Variants in PID1 observed in about 807,000 individuals in gnomAD.
The protein encoded by PID1 is phosphotyrosine interaction domain containing 1, also known as PTB-containing, cubilin and LRP1-interacting protein.
PID1 carries 10 observed loss-of-function variants against 19.1 expected under a neutral mutation model. That is an observed-to-expected ratio of 0.52 (90% confidence interval 0.32 to 0.89). The LOEUF (loss-of-function observed/expected upper bound fraction) is 0.89, where lower values mean the gene tolerates loss of function less well. Among genes scored for constraint, PID1 ranks in the 40% least tolerant of loss-of-function variants. The probability of loss-of-function intolerance (pLI) is 0.03; values close to 1 mark genes in which losing one functional copy is unlikely to be tolerated. For synonymous variants in PID1, 130 were observed against 116.0 expected, an observed-to-expected ratio of 1.12 and a Z score of -0.78; for missense variants, 248 against 285.3, an observed-to-expected ratio of 0.87 and a Z score of 0.94.
chr2:229,039,516 C>T (rs192280853), intron 2 of PID1, among the ~76,000 whole-genome samples: 2 of 152,202 alleles, frequency 1.3e-5, no homozygotes, highest in African/African-American at 4.8e-5. Flanking sequence ...TCCCTTGCAA[C>T]TATTTAAACT....
chr2:229,065,523 T>C (rs1559217103), intron 2 of PID1, among the ~76,000 whole-genome samples: 1 of 151,970 alleles, frequency 6.6e-6, no homozygotes, highest in Non-Finnish European at 1.5e-5. Flanking sequence ...CACTCTCACA[T>C]CAAAGTAAAG....
intron 1 of PID1, among the ~76,000 whole-genome samples, chr2:229,226,754 C>A (rs1302003351): frequency 1.3e-5 from 2 of 152,122 alleles, no homozygotes; most frequent in African/African-American, 4.8e-5. Context: ...AAAATTAAAT[C>A]CAAAATAAAC....
chr2:229,155,833 A>G lies in PID1; in HGVS notation c.162T>C (p.Thr54=), dbSNP rs779264480. Residue 54 remains threonine (T), a synonymous_variant, in exon 2 of 3, where the codon ACT becomes ACC. Coordinates refer to ENST00000392055, the MANE Select transcript of PID1 (RefSeq NM_001100818.2). ...CTTTPLMKTR[T]HSGCKVTYLG... ...TGCCCCATACCTTGCAGCCACTGTG[A>G]GTCCTTGTCTTCATCAGCGGTGTGG... is the stretch of plus-strand genomic sequence containing the variant. The G allele has an allele frequency of 3.1e-6, 5 of 1,612,624 alleles. No individual in the cohort carries two copies. The East Asian group carries it at 8.9e-5, about 29-fold the overall frequency.
intron 1 of PID1, among the ~76,000 whole-genome samples, chr2:229,196,241 T>C (rs1691375049): frequency 6.6e-6 from 1 of 152,088 alleles, no homozygotes; most frequent in Non-Finnish European, 1.5e-5. Flanking sequence ...TTCTATTTTA[T>C]ACTCAGAGGC....
At chr2:229,232,096 A>C in intron 1 of PID1, 1 of 1,494,712 alleles carries the variant, frequency 6.7e-7, no homozygotes, top group South Asian at 1.4e-5. Flanking sequence ...TCCATTCAAG[A>C]GGGGAGGAGC....
chr2:229,088,180 G>C (rs1447583437), intron 2 of PID1, among the ~76,000 whole-genome samples: 1 of 152,172 alleles, frequency 6.6e-6, no homozygotes, highest in Non-Finnish European at 1.5e-5. Flanking sequence ...AAAGATTCTT[G>C]ATGAAATAGG....
At chr2:229,084,604 C>A (rs1694729321) in intron 2 of PID1, among the ~76,000 whole-genome samples, 2 of 152,146 alleles carry the variant, frequency 1.3e-5, no homozygotes, top group African/African-American at 2.4e-5. Context: ...TGATTAATAA[C>A]AAATGTGATG....
rs572954419 is a variant in PID1, at chr2:229,048,173, AT to A, written c.178-22066del. Among the ~76,000 whole-genome samples, 14 of 152,166 alleles carry A rather than the reference AT, an allele frequency of 9.2e-5. No individual in the cohort carries two copies. The East Asian group carries it at 2.7e-3, about 30-fold the overall frequency. ...CAACAGCATGGTATAGGATCTAGTG[AT>A]TTTCCCCTCATTCTAAAATCCCTCT... On this transcript the variant is annotated intron_variant, in intron 2 of 2. Transcript: ENST00000392055.
intron 2 of PID1, among the ~76,000 whole-genome samples, chr2:229,101,968 AATC>A (rs1234068401): frequency 6.6e-6 from 1 of 152,192 alleles, no homozygotes; most frequent in African/African-American, 2.4e-5. Context: ...GGTCTAATGT[AATC>A]ATCAAGGCCC....
intron 1 of PID1, among the ~76,000 whole-genome samples, chr2:229,226,261 GC>G (rs1559293380): frequency 6.6e-6 from 1 of 152,128 alleles, no homozygotes. Context: ...TAGATCTGTG[GC>G]CCAGTCCAAA....
intron 1 of PID1, among the ~76,000 whole-genome samples, chr2:229,195,244 C>T (rs974838251): frequency 2.6e-5 from 4 of 151,784 alleles, no homozygotes; most frequent in Non-Finnish European, 5.9e-5. Context: ...CTCTACCCTT[C>T]TGCCCTGTCC....
Position 229,176,700 on chromosome 2 carries a change from C to T in PID1, c.31-20736G>A, listed in dbSNP as rs115969305. Reference sequence around the variant, plus strand: ...TATGCTCCCAAATATTTCATTTGTACGACAGACATCATCATATGCTTTCTC... The same window carrying T: ...TATGCTCCCAAATATTTCATTTGTATGACAGACATCATCATATGCTTTCTC... On this transcript the variant is annotated intron_variant, in intron 1 of 2. Transcript: ENST00000392055. Among the ~76,000 whole-genome samples, 304 of 152,232 alleles carry T rather than the reference C, an allele frequency of 2.0e-3. 1 individual carries two copies. The highest frequency in any genetic ancestry group is 4.2e-3 in the South Asian group (20 of 4,816).
intron 1 of PID1, among the ~76,000 whole-genome samples, chr2:229,201,824 G>T (rs2106241187): frequency 6.6e-6 from 1 of 152,048 alleles, no homozygotes; most frequent in South Asian, 2.1e-4. Context: ...TTCCCAATAG[G>T]TGTCGGGTAG....
At chr2:229,232,111 A>T (rs1391488659) in intron 1 of PID1, 4 of 1,477,092 alleles carry the variant, frequency 2.7e-6, no homozygotes, top group Non-Finnish European at 3.6e-6. Flanking sequence ...AGGAGCCCTG[A>T]TGACTTAACC....
At chr2:229,145,155 G>GTATATATATATATATA (rs5839309) in intron 2 of PID1, among the ~76,000 whole-genome samples, 29 of 119,930 alleles carry the variant, frequency 2.4e-4, no homozygotes, top group East Asian at 9.7e-4. Flanking sequence ...ATATGTATGT[G>GTATATATATATATATA]TATATATATA....
chr2:229,166,004 A>T (rs1231997278), intron 1 of PID1, among the ~76,000 whole-genome samples: 2 of 152,228 alleles, frequency 1.3e-5, no homozygotes, highest in East Asian at 3.9e-4. Flanking sequence ...ATGTCCTTAT[A>T]AAAGACTTGT....
chr2:229,091,082 A>G (rs1694866422), intron 2 of PID1, among the ~76,000 whole-genome samples: 1 of 152,210 alleles, frequency 6.6e-6, no homozygotes, highest in Admixed American at 6.5e-5. Context: ...TTTATCTATA[A>G]GTAATTACTT....
chr2:229,247,529 C>G (rs1690034392), intron 1 of PID1, among the ~76,000 whole-genome samples: 1 of 152,194 alleles, frequency 6.6e-6, no homozygotes, highest in African/African-American at 2.4e-5. Context: ...ATAACTAGTG[C>G]AAGCGAACTT....
chr2:229,155,529 C>T (rs368325556), intron 2 of PID1, among the ~76,000 whole-genome samples: 3 of 150,698 alleles, frequency 2.0e-5, no homozygotes, highest in African/African-American at 7.3e-5. Flanking sequence ...GCCGAGATCA[C>T]ACCACTGCAC....
Sources: gnomAD v4.1 joint callset for allele counts (sites outside exome capture counted in the v4.1 genomes callset) on GRCh38, gnomAD v4.1.1 for gene constraint, MANE v1.5 for transcripts, NCBI Gene and HGNC (gene_info 2026-07-23, HGNC 2026-07-21) for gene names.